The following ACACB variants were observed in gnomAD, a reference collection of about 807,000 sequenced individuals.
ACACB encodes the protein acetyl-CoA carboxylase 2.
ACACB carries 209 observed loss-of-function variants against 278.8 expected under a neutral mutation model. That is an observed-to-expected ratio of 0.75 (90% CI 0.67 to 0.84). The LOEUF (loss-of-function observed/expected upper bound fraction) is 0.84. Ranked by LOEUF, ACACB falls within the 40% of genes least tolerant of loss-of-function variation. The pLI, the probability that ACACB is intolerant of heterozygous loss-of-function variation, is 0.00. For synonymous variants in ACACB, 1,174 were observed against 1,285.6 expected (o/e 0.91, Z 1.86); for missense variants, 2,850 against 3,269.0 (o/e 0.87, Z 3.13).
chr12:109,198,039 G>A (rs185895306), intron 17 of ACACB, among the ~76,000 whole-genome samples: 52 of 151,992 alleles, frequency 3.4e-4, no homozygotes, highest in African/African-American at 8.9e-4. Context: ...CTGGGACTAC[G>A]GGCATGTGCC....
chr12:109,162,761 G>A (rs2043770357), intron 2 of ACACB, among the ~76,000 whole-genome samples: 1 of 152,100 alleles, frequency 6.6e-6, no homozygotes, highest in Non-Finnish European at 1.5e-5. Flanking sequence ...CAGCGAGAGA[G>A]AAAGACACAA....
intron 17 of ACACB, among the ~76,000 whole-genome samples, chr12:109,197,733 C>G (rs2045191477): frequency 6.6e-6 from 1 of 152,010 alleles, no homozygotes; most frequent in South Asian, 2.1e-4. Context: ...TCCAGTGTGT[C>G]TGATCACCCC....
chr12:109,257,000 G>A (rs1466784328), intron 45 of ACACB, among the ~76,000 whole-genome samples: 2 of 152,194 alleles, frequency 1.3e-5, no homozygotes, highest in Non-Finnish European at 2.9e-5. Context: ...AGGGCCGGGC[G>A]TGGCAGCTCA....
chr12:109,169,379 T>A (rs1450816662), intron 4 of ACACB, among the ~76,000 whole-genome samples: 1 of 152,144 alleles, frequency 6.6e-6, no homozygotes, highest in Non-Finnish European at 1.5e-5. Context: ...TTATCACTTG[T>A]CCAGGGTCAC....
intron 12 of ACACB, among the ~76,000 whole-genome samples, chr12:109,187,112 G>C (rs895872031): frequency 2.0e-5 from 3 of 151,528 alleles, no homozygotes; most frequent in African/African-American, 7.3e-5. Context: ...GGAGGGAAGA[G>C]GGGAGTGAGG....
At chr12:109,222,679 C>T in intron 25 of ACACB, 59 bp downstream of exon 25, 1 of 1,537,006 alleles carries the variant, frequency 6.5e-7, no homozygotes, top group Non-Finnish European at 9.0e-7. Flanking sequence ...CCTATGTGTC[C>T]CCTACCGTGC....
intron 44 of ACACB, among the ~76,000 whole-genome samples, chr12:109,255,584 C>T (rs890751781): frequency 3.9e-5 from 6 of 152,254 alleles, no homozygotes; most frequent in African/African-American, 9.6e-5. Flanking sequence ...TGGCTGCCCC[C>T]TCCTGGTCAG....
chr12:109,259,233 A>G, intron 47 of ACACB, 125 bp downstream of exon 47: 1 of 1,201,264 alleles, frequency 8.3e-7, no homozygotes, highest in Non-Finnish European at 1.2e-6. Flanking sequence ...TCTCCCAACA[A>G]CCCTGAGGAG....
chr12:109,254,300 C>A lies in ACACB; in HGVS notation c.6132C>A (p.Asp2044Glu). 3 of 1,613,496 alleles carry A rather than the reference C, an allele frequency of 1.9e-6. No individual in the cohort carries two copies. The highest frequency in any genetic ancestry group is 4.5e-5 in the East Asian group (2 of 44,830). Residue 2044 changes from aspartate to glutamate, a missense_variant, in exon 44 of 53, where the codon GAC becomes GAA. By Grantham distance (45) the Asp-to-Glu change is conservative. Coordinates refer to ENST00000338432, the MANE Select transcript of ACACB (RefSeq NM_001093.4). ...TCCTCCCATCCAGAGCTCCCTACGACCCCCGGTGGATGCTTGCAGGAAGGC... is the reference window on the plus strand; with the variant it reads ...TCCTCCCATCCAGAGCTCCCTACGAACCCCGGTGGATGCTTGCAGGAAGGC... ...IEFLPSRAPY[D>E]PRWMLAGRPH... is the part of the protein sequence containing the mutation.
Position 109,126,355 on chromosome 12 carries a change from A to G in ACACB, c.-10+9651A>G, listed in dbSNP as rs570219421. 4.6e-5 allele frequency among the ~76,000 whole-genome samples: 7 copies of G among 152,322 alleles called. No individual in the cohort carries two copies. In the East Asian group the frequency reaches 1.4e-3, roughly 29 times the overall value. On this transcript the variant is annotated intron_variant, in intron 1 of 52. Transcript: ENST00000338432. ...GGGCCGATCTGGAACCATTCAGGCCAGTTTTGCTTGGGATGGCAGATTCAC... is the reference window on the plus strand; with the variant it reads ...GGGCCGATCTGGAACCATTCAGGCCGGTTTTGCTTGGGATGGCAGATTCAC...
Position 109,167,984 on chromosome 12 carries a change from C to A in ACACB, c.875C>A (p.Ala292Asp), listed in dbSNP as rs1479984413. The change falls in exon 4 of 53, where the codon GCC becomes GAC. Residue 292 changes from alanine (A) to aspartate (D), a missense_variant. Ala to Asp is a moderately radical substitution (Grantham distance 126). Around this residue, in one of 3 missense-constraint regions of ACACB, gnomAD observed 2,265 missense variants for 2,561.3 expected, o/e 0.88. Transcript: ENST00000338432. Reference sequence around the variant, plus strand: ...TATGAGATGTTCCGCAACGAGCGGGCCATCCGGTTTGTTGTGATGGTGACC... The same window carrying A: ...TATGAGATGTTCCGCAACGAGCGGGACATCCGGTTTGTTGTGATGGTGACC... ...WAYEMFRNER[A>D]IRFVVMVTPE... The A allele has an allele frequency of 6.2e-7, 1 of 1,613,842 alleles. No individual in the cohort carries two copies. Among genetic ancestry groups the A allele is most frequent in the Non-Finnish European group, 8.5e-7 (1 of 1,179,904 alleles).
chr12:109,246,551 G>A lies in ACACB; in HGVS notation c.5571+103G>A, dbSNP rs555108462. On this transcript the variant is annotated intron_variant, in intron 39 of 52. Transcript: ENST00000338432. The stretch of plus-strand genomic sequence containing the variant: ...AAGAGGTGAAAAAAATCTCACTTAT[G>A]TATAAAGCACAGATGTACATGTAGT... 1,104 of 1,391,320 alleles carry A rather than the reference G, an allele frequency of 7.9e-4. 4 individuals are homozygous for A. Among genetic ancestry groups the A allele is most frequent in the Middle Eastern group, 5.0e-3 (19 of 3,836 alleles). The allele number at this position is 1,391,320 out of a possible 1,614,324, so 86.2% of individuals were successfully genotyped here.
intron 16 of ACACB, among the ~76,000 whole-genome samples, chr12:109,194,715 T>C (rs56932986): frequency 0.023 from 3,480 of 152,008 alleles, 134 homozygotes; most frequent in African/African-American, 0.079. Context: ...TCACATTGGA[T>C]TTAGCGTCCA....
At position 109,265,639 on chromosome 12, in the gene ACACB, G is replaced by C. The variant is rs554772028; in HGVS notation, c.7250+114G>C. 1.2e-5 allele frequency: 17 copies of C among 1,363,948 alleles called. 1 individual carries two copies. In the African/African-American group the frequency reaches 1.4e-4, roughly 11 times the overall value. The allele number at this position is 1,363,948 out of a possible 1,614,324, so 84.5% of individuals were successfully genotyped here. ...TTGAACCCGCCACCCTGTGCAGTCT[G>C]GGGTTGTCCCCGCCCCCTCCCCGCT... On this transcript the variant is annotated intron_variant, in intron 52 of 52. Transcript: ENST00000338432.
At chr12:109,212,978 A>T in intron 22 of ACACB, 42 bp downstream of exon 22, 1 of 1,554,504 alleles carries the variant, frequency 6.4e-7, no homozygotes. Flanking sequence ...TGTCACCTGA[A>T]TCGTCGCATG....
chr12:109,222,289 G>C (rs1398867605), intron 24 of ACACB, among the ~76,000 whole-genome samples: 3 of 150,200 alleles, frequency 2.0e-5, no homozygotes, highest in Admixed American at 6.6e-5. Flanking sequence ...GGATGAATGG[G>C]TGGCCGAGTG....
At chr12:109,151,251 G>T (rs1191759472) in intron 2 of ACACB, among the ~76,000 whole-genome samples, 1 of 152,068 alleles carries the variant, frequency 6.6e-6, no homozygotes, top group Non-Finnish European at 1.5e-5. Context: ...CCAAAGTGCT[G>T]GGATTACAGG....
At chr12:109,239,216 G>A (rs983627675) in intron 34 of ACACB, among the ~76,000 whole-genome samples, 1 of 152,152 alleles carries the variant, frequency 6.6e-6, no homozygotes, top group Non-Finnish European at 1.5e-5. Flanking sequence ...GCCTGGCCAA[G>A]CCGTTTTAAT....
In ACACB at chr12:109,237,337, T is replaced by C. The variant is rs766042270; in HGVS notation, c.4619T>C (p.Phe1540Ser). The C allele has an allele frequency of 6.2e-7, 1 of 1,614,150 alleles. No homozygotes were observed. The highest frequency in any genetic ancestry group is 8.5e-7 in the Non-Finnish European group (1 of 1,180,032). The stretch of plus-strand genomic sequence containing the variant: ...GGTGTGGAAGTGACGGACCATAGGT[T>C]CTTCATCCGCGCCATCATCAGGCAC... ...KEGVEVTDHR[F>S]FIRAIIRHSD... Residue 1540 changes from phenylalanine (F) to serine (S), a missense_variant, in exon 34 of 53, where the codon TTC becomes TCC. Phe to Ser is a radical substitution (Grantham distance 155). Coordinates refer to ENST00000338432, the MANE Select transcript of ACACB (RefSeq NM_001093.4).
Sources: gnomAD v4.1 joint callset for allele counts (sites outside exome capture counted in the v4.1 genomes callset) on GRCh38, gnomAD v4.1.1 for gene constraint, gnomAD v4.1.1 regional missense constraint, MANE v1.5 for transcripts, NCBI Gene and HGNC (gene_info 2026-07-23, HGNC 2026-07-21) for gene names.